Variants in ADCY10 observed in about 807,000 individuals in gnomAD.
The protein encoded by ADCY10 is adenylate cyclase 10, also known as adenylate cyclase type 10.
Under a neutral mutation model 183.3 loss-of-function variants are expected in ADCY10, and 156 were observed. The ratio of observed to expected loss-of-function variants is 0.85; its 90% CI spans 0.75 to 0.97. The LOEUF is 0.97. Among genes scored for constraint, ADCY10 ranks in the 50% least tolerant of loss-of-function variants. ADCY10 has a pLI of 0.00. For synonymous variants in ADCY10, 645 were observed against 670.0 expected (o/e 0.96, Z 0.58); for missense variants, 1,745 against 1,934.3 (o/e 0.90, Z 1.84).
chr1:167,883,826 T>C (rs1289851347), intron 8 of ADCY10, among the ~76,000 whole-genome samples, 198 bp from the exon 9 acceptor site: 2 of 152,230 alleles, frequency 1.3e-5, no homozygotes, highest in African/African-American at 2.4e-5. Context: ...TGGGGACTTA[T>C]GCATGTGCTA....
At chr1:167,834,307 C>G in intron 23 of ADCY10, 1 of 586,528 alleles carries the variant, frequency 1.7e-6, no homozygotes, top group South Asian at 2.0e-5. Flanking sequence ...ATCACTCCAT[C>G]AAGAGAATGA....
intron 25 of ADCY10, among the ~76,000 whole-genome samples, 175 bp downstream of exon 25, chr1:167,832,812 C>T (rs111549858): frequency 6.6e-6 from 1 of 152,196 alleles, no homozygotes; most frequent in African/African-American, 2.4e-5. Context: ...TACTTTGTGG[C>T]AACCCTGGTA....
intron 21 of ADCY10, among the ~76,000 whole-genome samples, chr1:167,844,313 C>A (rs940108247): frequency 6.6e-6 from 1 of 152,220 alleles, no homozygotes; most frequent in Non-Finnish European, 1.5e-5. Flanking sequence ...AGGCTCTGAA[C>A]CTACAGCCTG....
intron 28 of ADCY10, among the ~76,000 whole-genome samples, chr1:167,823,602 C>A (rs1467780535): frequency 6.6e-6 from 1 of 151,950 alleles, no homozygotes; most frequent in Non-Finnish European, 1.5e-5. Context: ...GACCGAAAAC[C>A]ATTTATACCC....
At chr1:167,880,770 T>G (rs1456011794) in intron 9 of ADCY10, among the ~76,000 whole-genome samples, 161 bp from the exon 10 acceptor site, 1 of 152,214 alleles carries the variant, frequency 6.6e-6, no homozygotes, top group Non-Finnish European at 1.5e-5. Context: ...CTTCAAACAC[T>G]TCTACTGCAT....
chr1:167,879,126 A>G (rs760827796), intron 11 of ADCY10, among the ~76,000 whole-genome samples: 2 of 152,226 alleles, frequency 1.3e-5, no homozygotes, highest in Non-Finnish European at 2.9e-5. Context: ...ATTGAAGCAC[A>G]GGCTCTGAAG....
rs1662065081 is a variant in ADCY10, at chr1:167,809,492, G to A, written c.*186C>T. 6.1e-6 allele frequency: 4 copies of A among 653,352 alleles called. No homozygotes were observed. The highest frequency in any genetic ancestry group is 1.0e-5 in the Non-Finnish European group (4 of 386,090). The allele number at this position is 653,352 out of a possible 1,614,324, so 40.5% of individuals were successfully genotyped here. On this transcript the variant is annotated 3_prime_UTR_variant, in exon 33 of 33. Coordinates refer to ENST00000367851, the MANE Select transcript of ADCY10 (RefSeq NM_018417.6). The stretch of plus-strand genomic sequence containing the variant: ...AAGCAATTTTTTGTAACATTAGGAA[G>A]AAGTAAACCATGACACTCCTGACCC...
chr1:167,844,722 T>A (rs935264473), intron 21 of ADCY10, among the ~76,000 whole-genome samples: 1 of 152,206 alleles, frequency 6.6e-6, no homozygotes, highest in Admixed American at 6.5e-5. Context: ...AAAAAAAGTT[T>A]ATTTTGCACC....
chr1:167,827,551 T>C (rs1032999056), intron 26 of ADCY10, among the ~76,000 whole-genome samples: 2 of 151,954 alleles, frequency 1.3e-5, no homozygotes, highest in South Asian at 4.1e-4. Context: ...TGATCATGTC[T>C]CCTGATATCT....
intron 12 of ADCY10, among the ~76,000 whole-genome samples, chr1:167,875,716 C>G (rs535722910): frequency 6.6e-6 from 1 of 152,136 alleles, no homozygotes; most frequent in Non-Finnish European, 1.5e-5. Flanking sequence ...TTTGGGAGGC[C>G]GAGGTGGGCA....
At chr1:167,870,782 C>T (rs1014205359) in intron 13 of ADCY10, among the ~76,000 whole-genome samples, 1 of 151,054 alleles carries the variant, frequency 6.6e-6, no homozygotes, top group African/African-American at 2.4e-5. Flanking sequence ...GCACTCCAGC[C>T]TGGGCGACAA....
intron 8 of ADCY10, 132 bp from the exon 9 acceptor site, chr1:167,883,760 G>GCC: frequency 1.3e-6 from 1 of 798,060 alleles, no homozygotes; most frequent in Non-Finnish European, 2.2e-6. Flanking sequence ...ACATGACAGA[G>GCC]CCAGCATGCC....
chr1:167,846,772 A>C lies in ADCY10; in HGVS notation c.2438-509T>G, dbSNP rs762907609. ...TCTGTGTCATGACCAAGTGTCAGAGAGTTCACAGCTCCTATCCCAACTTTT... is the reference window on the plus strand; with the variant it reads ...TCTGTGTCATGACCAAGTGTCAGAGCGTTCACAGCTCCTATCCCAACTTTT... On this transcript the variant is annotated intron_variant, in intron 19 of 32. Transcript: ENST00000367851. Among the ~76,000 whole-genome samples the C allele has an allele frequency of 3.3e-5, 5 of 152,172 alleles. No homozygotes were observed. The South Asian group carries it at 6.2e-4, about 19-fold the overall frequency.
At chr1:167,900,619 G>A (rs1423639877) in intron 5 of ADCY10, among the ~76,000 whole-genome samples, 5 of 151,824 alleles carry the variant, frequency 3.3e-5, no homozygotes, top group South Asian at 2.1e-4. Context: ...TGCAACCTCC[G>A]CCTCCTGGGT....
At chr1:167,904,419 T>C (rs901509892) in intron 2 of ADCY10, among the ~76,000 whole-genome samples, 1 of 152,118 alleles carries the variant, frequency 6.6e-6, no homozygotes, top group Non-Finnish European at 1.5e-5. Flanking sequence ...GAGTTTCTTC[T>C]TAAGGATCTT....
chr1:167,902,726 A>T (rs1053812925), intron 3 of ADCY10, among the ~76,000 whole-genome samples: 1 of 152,242 alleles, frequency 6.6e-6, no homozygotes, highest in Non-Finnish European at 1.5e-5. Flanking sequence ...ACACTAGGCC[A>T]GGAGTTCACC....
chr1:167,810,964 G>C, intron 31 of ADCY10, 51 bp from the exon 32 acceptor site: 3 of 1,533,186 alleles, frequency 2.0e-6, no homozygotes, highest in Non-Finnish European at 2.7e-6. Flanking sequence ...AGGGGTCCTT[G>C]ACTGTAAGTT....
Position 167,883,750 on chromosome 1 carries a change from A to G in ADCY10, c.829-122T>C, listed in dbSNP as rs80221668. The G allele has an allele frequency of 1.4e-3, 1,210 of 862,872 alleles. 13 individuals are homozygous for G. The African/African-American group carries it at 0.018, about 13-fold the overall frequency. The allele number at this position is 862,872 out of a possible 1,614,324, so 53.5% of individuals were successfully genotyped here. ...TCTACCTCAGAATGGGTGAGGTACA[A>G]CATGACAGAGCCAGCATGCCTGAAG... On this transcript the variant is annotated intron_variant, in intron 8 of 32. Coordinates refer to ENST00000367851, the MANE Select transcript of ADCY10 (RefSeq NM_018417.6).
chr1:167,903,767 C>T (rs1030114077), intron 3 of ADCY10, 120 bp downstream of exon 3: 2 of 744,374 alleles, frequency 2.7e-6, no homozygotes, highest in African/African-American at 1.7e-5. Flanking sequence ...GTTTTATACA[C>T]ATTTCATGGG....
Sources: gnomAD v4.1 joint callset for allele counts (sites outside exome capture counted in the v4.1 genomes callset) on GRCh38, gnomAD v4.1.1 for gene constraint, MANE v1.5 for transcripts, NCBI Gene and HGNC (gene_info 2026-07-23, HGNC 2026-07-21) for gene names.